SLCO1A2: variants seen among roughly 807,000 people sequenced by gnomAD.
SLCO1A2 encodes solute carrier organic anion transporter family member 1A2.
A neutral mutation model predicts 69.0 loss-of-function variants in SLCO1A2; 67 were observed. The observed-to-expected ratio is 0.97, with a 90% CI of 0.80 to 1.19. SLCO1A2 has a LOEUF of 1.19. Among genes scored for constraint, SLCO1A2 ranks in the 50% most tolerant of loss-of-function variants. The pLI is 0.00. For missense variants in SLCO1A2, 787 were observed against 793.7 expected, an observed-to-expected ratio of 0.99 and a Z score of 0.10; for synonymous variants, 260 against 265.9, an observed-to-expected ratio of 0.98 and a Z score of 0.22.
At chr12:21,311,271 G>C (rs903332884) in intron 4 of SLCO1A2, among the ~76,000 whole-genome samples, 1 of 152,044 alleles carries the variant, frequency 6.6e-6, no homozygotes, top group East Asian at 1.9e-4. Flanking sequence ...ACCCCTCAGG[G>C]TTATCTAAGA....
intron 2 of SLCO1A2, among the ~76,000 whole-genome samples, chr12:21,329,654 C>G (rs1430003063): frequency 6.6e-6 from 1 of 151,772 alleles, no homozygotes; most frequent in Non-Finnish European, 1.5e-5. Flanking sequence ...CACATGGCCA[C>G]CCTGGAGTCA....
chr12:21,350,193 T>G (rs1005520142), intron 2 of SLCO1A2, among the ~76,000 whole-genome samples: 1 of 151,972 alleles, frequency 6.6e-6, no homozygotes, highest in African/African-American at 2.4e-5. Flanking sequence ...TCTTTAAAAA[T>G]GTATATAGTC....
chr12:21,347,702 A>AGGAAGGAAGGAAGGAAGGAAGGAAGAAAG (rs1555122088), intron 2 of SLCO1A2, among the ~76,000 whole-genome samples: 20 of 148,196 alleles, frequency 1.3e-4, no homozygotes, highest in African/African-American at 5.1e-4. Flanking sequence ...GGAAGGAAGA[A>AGGAAGGAAGGAAGGAAGGAAGGAAGAAAG]GGAAAAAAGG....
chr12:21,280,320 A>G lies in SLCO1A2; in HGVS notation c.1611-4896T>C, dbSNP rs778502983. ...AATGGATTTAAAAAAATACCCAATAATCTGTTGTCTACTAGAAACATATGT... is the reference window on the plus strand; with the variant it reads ...AATGGATTTAAAAAAATACCCAATAGTCTGTTGTCTACTAGAAACATATGT... On this transcript the variant is annotated intron_variant, in intron 12 of 14. Coordinates refer to ENST00000683939, the MANE Select transcript of SLCO1A2 (RefSeq NM_001386879.1). Among the ~76,000 whole-genome samples the G allele has an allele frequency of 2.0e-5, 3 of 152,084 alleles. No homozygotes were observed. The South Asian group carries it at 6.2e-4, about 31-fold the overall frequency.
chr12:21,347,200 T>G (rs2136999360), intron 2 of SLCO1A2, among the ~76,000 whole-genome samples: 1 of 152,248 alleles, frequency 6.6e-6, no homozygotes, highest in East Asian at 1.9e-4. Flanking sequence ...CCAAAAAAGT[T>G]CTGGACAAAA....
chr12:21,279,804 T>C (rs1944476023), intron 12 of SLCO1A2, among the ~76,000 whole-genome samples: 1 of 152,140 alleles, frequency 6.6e-6, no homozygotes, highest in South Asian at 2.1e-4. Flanking sequence ...ATGCAGAATA[T>C]TATAACACTG....
intron 6 of SLCO1A2, among the ~76,000 whole-genome samples, chr12:21,303,085 G>C (rs988486807): frequency 2.6e-5 from 4 of 151,640 alleles, no homozygotes; most frequent in African/African-American, 9.7e-5. Context: ...TTGATTTATA[G>C]TTATTTGGTT....
intron 1 of SLCO1A2, among the ~76,000 whole-genome samples, chr12:21,390,408 A>C (rs1244851678): frequency 6.6e-6 from 1 of 152,162 alleles, no homozygotes; most frequent in Non-Finnish European, 1.5e-5. Flanking sequence ...CCTTTTAAAA[A>C]TCTGAAATAC....
rs112711916 is a variant in SLCO1A2, at chr12:21,394,488, G to T, written c.-190+418C>A. On this transcript the variant is annotated intron_variant, in intron 1 of 15. Transcript: ENST00000307378. ...CTCAGGAGGTAGAGGCTGCAAGTGA[G>T]CTGTGATCGTACCACCACACTCCAG... Among the ~76,000 whole-genome samples the T allele has an allele frequency of 8.9e-4, 134 of 151,032 alleles. 1 individual carries two copies. The highest frequency in any genetic ancestry group is 3.2e-3 in the African/African-American group (130 of 41,102).
intron 3 of SLCO1A2, 147 bp from the exon 4 acceptor site, chr12:21,314,828 A>G: frequency 1.5e-6 from 1 of 672,052 alleles, no homozygotes; most frequent in South Asian, 2.0e-5. Flanking sequence ...TAAATAATAA[A>G]TGAATATAAC....
chr12:21,379,138 C>T (rs907589992), intron 1 of SLCO1A2: 1 of 152,132 alleles, frequency 6.6e-6, no homozygotes, highest in South Asian at 2.1e-4. Context: ...ATTGTCAATA[C>T]CCCTGTTAAG....
chr12:21,351,306 T>A (rs748681802), intron 2 of SLCO1A2, among the ~76,000 whole-genome samples: 1 of 152,238 alleles, frequency 6.6e-6, no homozygotes, highest in African/African-American at 2.4e-5. Context: ...TGTCCTGTTT[T>A]ACTAGTGCAG....
At chr12:21,388,408 G>A (rs535339191) in intron 1 of SLCO1A2, among the ~76,000 whole-genome samples, 17 of 152,180 alleles carry the variant, frequency 1.1e-4, no homozygotes, top group African/African-American at 1.4e-4. Context: ...TCATGGGGGC[G>A]GTTTTTCCCA....
At chr12:21,419,032 T>C (rs919262735), upstream of SLCO1A2, 3 of 152,146 alleles carry the variant, frequency 2.0e-5, no homozygotes, top group African/African-American at 7.2e-5. Context: ...TCTCCCACTA[T>C]GTGAGGCTAA....
chr12:21,309,560 C>A (rs890939557), intron 4 of SLCO1A2, among the ~76,000 whole-genome samples: 1 of 152,068 alleles, frequency 6.6e-6, no homozygotes, highest in East Asian at 1.9e-4. Flanking sequence ...AAAATATTTC[C>A]AATCTAGAAT....
Position 21,314,547 on chromosome 12 carries a change from A to G in SLCO1A2, c.335+2T>C. The G allele has an allele frequency of 6.2e-7, 1 of 1,613,678 alleles. No individual in the cohort carries two copies. Among genetic ancestry groups the G allele is most frequent in the Admixed American group, 1.7e-5 (1 of 59,958 alleles). ...CCAAAATTATCAGACTGGAGTACTT[A>G]CTGGTTCATGAGGAAATGAGGTAGT... On this transcript the variant is annotated splice_donor_variant, in intron 4 of 14. Coordinates refer to ENST00000683939, the MANE Select transcript of SLCO1A2 (RefSeq NM_001386879.1). LOFTEE classifies it high-confidence loss of function.
chr12:21,282,365 AT>A (rs1944947307), intron 12 of SLCO1A2, among the ~76,000 whole-genome samples: 1 of 151,738 alleles, frequency 6.6e-6, no homozygotes, highest in Admixed American at 6.6e-5. Context: ...TGGAAAAAAC[AT>A]TTGATAAGAT....
At chr12:21,275,738 C>T (rs1200549568) in intron 12 of SLCO1A2, among the ~76,000 whole-genome samples, 1 of 152,016 alleles carries the variant, frequency 6.6e-6, no homozygotes, top group African/African-American at 2.4e-5. Flanking sequence ...GTCAGGAGCT[C>T]GAGACCAGCC....
rs567639128 is a variant in SLCO1A2, at chr12:21,408,235, A to C, written c.-312+9647T>G. Among the ~76,000 whole-genome samples, 6 of 152,322 alleles carry C rather than the reference A, an allele frequency of 3.9e-5. No homozygotes were observed. In the South Asian group the frequency reaches 1.2e-3, roughly 32 times the overall value. On this transcript the variant is annotated intron_variant, in intron 1 of 4. Transcript: ENST00000413682. ...AAACGAATTTATTAACCATGCATAA[A>C]GTGTTTCTAAAACACTGATAATGTC...
Sources: gnomAD v4.1 joint callset for allele counts (sites outside exome capture counted in the v4.1 genomes callset) on GRCh38, gnomAD v4.1.1 for gene constraint, MANE v1.5 for transcripts, NCBI Gene and HGNC (gene_info 2026-07-23, HGNC 2026-07-21) for gene names.